Variants in POLR3G observed in about 807,000 individuals in gnomAD.
POLR3G encodes RNA polymerase III subunit G, also known as DNA-directed RNA polymerase III subunit RPC7.
A neutral mutation model predicts 30.1 loss-of-function variants in POLR3G; 28 were observed. That is an observed-to-expected ratio of 0.93 (90% confidence interval 0.69 to 1.27). The LOEUF is 1.27. POLR3G is among the 50% of genes most tolerant of loss of function. The pLI is 0.00. For missense variants in POLR3G, 254 were observed against 264.6 expected, an observed-to-expected ratio of 0.96 and a Z score of 0.28; for synonymous variants, 79 against 82.5, an observed-to-expected ratio of 0.96 and a Z score of 0.23.
At chr5:90,481,973 T>C (rs1751147273) in intron 1 of POLR3G, among the ~76,000 whole-genome samples, 1 of 152,188 alleles carries the variant, frequency 6.6e-6, no homozygotes, top group Non-Finnish European at 1.5e-5. Flanking sequence ...ATTTTGAAGC[T>C]GAGTAGTGGG....
At chr5:90,494,432 T>C (rs935705872) in intron 3 of POLR3G, among the ~76,000 whole-genome samples, 1 of 152,258 alleles carries the variant, frequency 6.6e-6, no homozygotes, top group Non-Finnish European at 1.5e-5. Context: ...TAGGATCATA[T>C]GGTAACTCTG....
intron 3 of POLR3G, chr5:90,490,879 C>T: frequency 6.2e-6 from 1 of 160,340 alleles, no homozygotes; most frequent in South Asian, 1.6e-4. Flanking sequence ...AAGAATTGGC[C>T]AGACTGAAGA....
At chr5:90,476,271 GCTTTC>G (rs1242369632) in intron 1 of POLR3G, among the ~76,000 whole-genome samples, 2 of 152,130 alleles carry the variant, frequency 1.3e-5, no homozygotes, top group African/African-American at 2.4e-5. Flanking sequence ...TCAGCTGGGG[GCTTTC>G]CTTATGCACA....
At position 90,513,847 on chromosome 5, in the gene POLR3G, G is replaced by A. The variant is rs563958834; in HGVS notation, c.*1708G>A. On this transcript the variant is annotated 3_prime_UTR_variant, in exon 8 of 8. Transcript: ENST00000651687. ...GAAACCTCACAAAAAGTTGTCATTT[G>A]CGGTTGATAATTAACATAGGTGTTT... 1.3e-5 allele frequency: 2 copies of A among 152,274 alleles called. No homozygotes were observed. Among genetic ancestry groups the A allele is most frequent in the East Asian group, 3.9e-4 (2 of 5,182 alleles). The allele number at this position is 152,274 out of a possible 1,614,324, so 9.4% of individuals were successfully genotyped here. A position where few individuals can be genotyped will look rare whatever the true frequency, so the allele number is the denominator to read the frequency against.
rs1329454147 is a variant in POLR3G at position 90,513,214 on chromosome 5, A to T, written c.*1075A>T. 6.6e-6 allele frequency: 1 copy of T among 152,576 alleles called. No individual in the cohort carries two copies. Among genetic ancestry groups the T allele is most frequent in the African/African-American group, 2.4e-5 (1 of 41,450 alleles). The allele number at this position is 152,576 out of a possible 1,614,324, so 9.5% of individuals were successfully genotyped here. ...ATTCATATTATATATTTCAAAAATGATTTATCAATGTTATCTACCAAAAGA... is the reference window on the plus strand; with the variant it reads ...ATTCATATTATATATTTCAAAAATGTTTTATCAATGTTATCTACCAAAAGA... On this transcript the variant is annotated 3_prime_UTR_variant, in exon 8 of 8. Coordinates refer to ENST00000651687, the MANE Select transcript of POLR3G (RefSeq NM_006467.3).
chr5:90,488,032 A>G lies in POLR3G; in HGVS notation c.150A>G (p.Thr50=), dbSNP rs934557408. 20 of 1,608,728 alleles carry G rather than the reference A, an allele frequency of 1.2e-5. No individual in the cohort carries two copies. The Admixed American group carries it at 1.9e-4, about 15-fold the overall frequency. Residue 50 remains threonine, a synonymous_variant, in exon 3 of 8, where the codon ACA becomes ACG. Transcript: ENST00000651687. ...ATTATAAACCAGTGCCACTGAAAAC[A>G]GGAGAAGGTGAAGAATATATGCTGG... ...DTDYKPVPLK[T]GEGEEYMLAL...
At chr5:90,493,411 T>C (rs902845336) in intron 3 of POLR3G, among the ~76,000 whole-genome samples, 2 of 151,982 alleles carry the variant, frequency 1.3e-5, no homozygotes, top group African/African-American at 2.4e-5. Flanking sequence ...CATGCCCAGC[T>C]AATTTTTGCA....
chr5:90,511,103 A>G (rs1327769696), intron 7 of POLR3G, among the ~76,000 whole-genome samples: 1 of 151,950 alleles, frequency 6.6e-6, no homozygotes, highest in Admixed American at 6.6e-5. Flanking sequence ...TCATTCATCT[A>G]CCCAATCCCT....
chr5:90,508,912 T>G (rs1752614789), intron 7 of POLR3G, among the ~76,000 whole-genome samples: 1 of 152,076 alleles, frequency 6.6e-6, no homozygotes, highest in Non-Finnish European at 1.5e-5. Context: ...AAATAAAAAA[T>G]TAGCCAGGCG....
chr5:90,495,588 C>T, intron 3 of POLR3G, 89 bp from the exon 4 acceptor site: 1 of 1,509,798 alleles, frequency 6.6e-7, no homozygotes, highest in Non-Finnish European at 8.9e-7. Context: ...AAAATGTTGT[C>T]TGTTGTTTTC....
At position 90,506,631 on chromosome 5, in the gene POLR3G, A is replaced by G; in HGVS notation, c.542A>G (p.Asp181Gly). 1 of 1,613,748 alleles carries G rather than the reference A, an allele frequency of 6.2e-7. No individual in the cohort carries two copies. The highest frequency in any genetic ancestry group is 8.5e-7 in the Non-Finnish European group (1 of 1,179,814). ...GAAGGTGATGATGACGATGACGATGATGCCGCAGAACAGGAGGAATATGAT... is the reference window on the plus strand; with the variant it reads ...GAAGGTGATGATGACGATGACGATGGTGCCGCAGAACAGGAGGAATATGAT... ...SKEGDDDDDD[D>G]AAEQEEYDEE... Residue 181 changes from aspartate to glycine, a missense_variant, in exon 7 of 8, where the codon GAT becomes GGT. Coordinates refer to ENST00000651687, the MANE Select transcript of POLR3G (RefSeq NM_006467.3).
chr5:90,502,277 C>G, intron 6 of POLR3G: 1 of 979,130 alleles, frequency 1.0e-6, no homozygotes, highest in Non-Finnish European at 1.2e-6. Context: ...ATCATGCAGG[C>G]AGAGAGAAAC....
chr5:90,499,433 A>G (rs536989027), intron 5 of POLR3G, among the ~76,000 whole-genome samples: 18 of 152,336 alleles, frequency 1.2e-4, no homozygotes, highest in East Asian at 1.9e-4. Context: ...CGAAGACTGG[A>G]AAATGTTCAC....
At chr5:90,495,079 C>T (rs1356299623) in intron 3 of POLR3G, among the ~76,000 whole-genome samples, 1 of 152,152 alleles carries the variant, frequency 6.6e-6, no homozygotes, top group Non-Finnish European at 1.5e-5. Context: ...AAAACCTGAT[C>T]TCTTGGTCTC....
intron 6 of POLR3G, among the ~76,000 whole-genome samples, chr5:90,505,635 A>T (rs1561258466): frequency 6.6e-6 from 1 of 152,094 alleles, no homozygotes; most frequent in Non-Finnish European, 1.5e-5. Flanking sequence ...CTGTGATTTG[A>T]GTTTTAATTT....
At chr5:90,496,906 T>A (rs2366768) in intron 4 of POLR3G, among the ~76,000 whole-genome samples, 38,195 of 152,132 alleles carry the variant, frequency 0.25, 5,596 homozygotes, top group African/African-American at 0.41. Flanking sequence ...TCCGTCATGA[T>A]CTAAAATGAA....
intron 1 of POLR3G, among the ~76,000 whole-genome samples, chr5:90,483,469 G>C (rs1466285298): frequency 1.3e-5 from 2 of 152,102 alleles, no homozygotes; most frequent in Non-Finnish European, 2.9e-5. Context: ...TTTGCTTCTG[G>C]GGCCTTAAAT....
At chr5:90,474,673 C>G (rs1181485485), upstream of POLR3G, 1 of 279,280 alleles carries the variant, frequency 3.6e-6, no homozygotes, top group Non-Finnish European at 6.8e-6. Context: ...AGCAGAGGCC[C>G]GCAGTGAGGG....
intron 6 of POLR3G, among the ~76,000 whole-genome samples, chr5:90,503,632 T>A (rs919718198): frequency 1.1e-4 from 16 of 152,258 alleles, no homozygotes; most frequent in African/African-American, 3.9e-4. Flanking sequence ...ACTGGAAATT[T>A]AAATCTAGAA....
Sources: allele counts gnomAD v4.1 joint callset (sites outside exome capture counted in the v4.1 genomes callset), GRCh38; gene constraint gnomAD v4.1.1; transcripts MANE v1.5; gene names NCBI Gene and HGNC (gene_info 2026-07-23, HGNC 2026-07-21).